HUWE1: variants seen among roughly 807,000 people sequenced by gnomAD.
HUWE1 encodes E3 ubiquitin-protein ligase HUWE1.
Under a neutral mutation model 299.4 loss-of-function variants are expected in HUWE1, and 18 were observed. That is an observed-to-expected ratio of 0.06 (90% CI 0.04 to 0.09). HUWE1 has a LOEUF of 0.09. Ranked by LOEUF, HUWE1 falls within the 10% of genes least tolerant of loss-of-function variation. The pLI is 1.00. For missense variants in HUWE1, 1,832 were observed against 3,462.3 expected, an observed-to-expected ratio of 0.53 and a Z score of 11.82; for synonymous variants, 1,317 against 1,286.1, an observed-to-expected ratio of 1.02 and a Z score of -0.51.
intron 23 of HUWE1, among the ~76,000 whole-genome samples, chrX:53,613,217 A>T (rs2065596744): frequency 2.7e-5 from 3 of 111,937 alleles, no homozygotes; most frequent in Admixed American, 1.9e-4. Flanking sequence ...AGACAGGGTA[A>T]GGTATCTGTT....
At chrX:53,674,710 C>A (rs1183535359) in intron 3 of HUWE1, among the ~76,000 whole-genome samples, 1 of 111,836 alleles carries the variant, frequency 8.9e-6, no homozygotes, top group African/African-American at 3.3e-5. Flanking sequence ...TATTACCATA[C>A]TGACCCTTTT....
chrX:53,608,654 T>G lies in HUWE1; in HGVS notation c.2319+198A>C, dbSNP rs782145216. Among the ~76,000 whole-genome samples, 148 of 111,959 alleles carry G rather than the reference T, an allele frequency of 1.3e-3. 2 individuals carry two copies. Among genetic ancestry groups the G allele is most frequent in the Non-Finnish European group, 2.3e-3 (124 of 53,152 alleles). ...TAACAGTGAACAAAAAAATCTGGAA[T>G]ACAAAATAATGGGGCTTGTGTTGGC... is the stretch of plus-strand genomic sequence containing the variant. On this transcript the variant is annotated intron_variant, in intron 24 of 83. Coordinates refer to ENST00000262854, the MANE Select transcript of HUWE1 (RefSeq NM_031407.7).
At chrX:53,611,067 AC>A (rs1179459772) in intron 23 of HUWE1, among the ~76,000 whole-genome samples, 1 of 109,274 alleles carries the variant, frequency 9.2e-6, no homozygotes, top group Non-Finnish European at 1.9e-5. Flanking sequence ...GTAGAAAGGC[AC>A]CCCACGTACC....
intron 73 of HUWE1, among the ~76,000 whole-genome samples, chrX:53,543,196 T>C (rs2061421919): frequency 9.0e-6 from 1 of 110,717 alleles, no homozygotes; most frequent in Non-Finnish European, 1.9e-5. Context: ...AGGATACCTT[T>C]CTTGGATCTT....
intron 19 of HUWE1, among the ~76,000 whole-genome samples, chrX:53,619,650 C>T (rs931057627): frequency 9.6e-6 from 1 of 104,577 alleles, no homozygotes; most frequent in Non-Finnish European, 2.0e-5. Context: ...GAACAAGAAC[C>T]AGTGTGACAC....
At position 53,681,421 on chromosome X, in the gene HUWE1, A is replaced by G. The variant is rs1280604158; in HGVS notation, c.-162-1235T>C. ...TGCACTCCAGCCTGGCGAGAGCAAG[A>G]CTCCATCTTAAAAAAAAAAAAAAAA... is the stretch of plus-strand genomic sequence containing the variant. On this transcript the variant is annotated intron_variant, in intron 2 of 83. Coordinates refer to ENST00000262854, the MANE Select transcript of HUWE1 (RefSeq NM_031407.7). Among the ~76,000 whole-genome samples, 3 of 103,942 alleles carry G rather than the reference A, an allele frequency of 2.9e-5. No individual in the cohort carries two copies. In the Admixed American group the frequency reaches 3.1e-4, roughly 11 times the overall value. 90.3% of individuals were successfully genotyped at this position (103,942 alleles called of 115,157 possible). A position where few individuals can be genotyped will look rare whatever the true frequency, so the allele number is the denominator to read the frequency against.
Position 53,564,886 on chromosome X carries a change from T to C in HUWE1, c.6881-164A>G, listed in dbSNP as rs190431695. On this transcript the variant is annotated intron_variant, in intron 50 of 83. Coordinates refer to ENST00000262854, the MANE Select transcript of HUWE1 (RefSeq NM_031407.7). ...GAAAAGACAAGGCTACGTGTGAGGA[T>C]AGCCAAACAAGGCTGCATTTTGAAG... Among the ~76,000 whole-genome samples the C allele has an allele frequency of 3.2e-3, 357 of 112,748 alleles. No individual in the cohort carries two copies. The highest frequency in any genetic ancestry group is 0.011 in the African/African-American group (341 of 31,080).
Position 53,603,460 on chromosome X carries a change from T to C in HUWE1, c.2784A>G (p.Gln928=), listed in dbSNP as rs148400203. The C allele has an allele frequency of 1.5e-4, 178 of 1,207,028 alleles. No homozygotes were observed. In the Middle Eastern group the frequency reaches 1.6e-3, roughly 11 times the overall value. ...RSISVNQWGS[Q]LGLSVLSKLS... is the part of the protein sequence containing the mutation. ...GCTTGCTCAAAACACTCAGACCCAA[T>C]TGAGAGCCCCACTGGTTTACGGAGA... The change falls in exon 27 of 84, where the codon CAA becomes CAG. Residue 928 remains glutamine, a synonymous_variant. Coordinates refer to ENST00000262854, the MANE Select transcript of HUWE1 (RefSeq NM_031407.7).
At chrX:53,565,561 T>G (rs2062486408) in intron 49 of HUWE1, among the ~76,000 whole-genome samples, 1 of 90,793 alleles carries the variant, frequency 1.1e-5, no homozygotes, top group South Asian at 4.4e-4. Context: ...GTACTCAGGA[T>G]TTTTTTTTTT....
At chrX:53,674,885 T>C (rs2069737339) in intron 3 of HUWE1, among the ~76,000 whole-genome samples, 2 of 112,062 alleles carry the variant, frequency 1.8e-5, no homozygotes, top group African/African-American at 6.5e-5. Context: ...GGCTCAGTGA[T>C]GAGGTAATTT....
At position 53,547,972 on chromosome X, in the gene HUWE1, C is replaced by G. The variant is rs1556924635; in HGVS notation, c.10337G>C (p.Ser3446Thr). 1.7e-6 allele frequency: 2 copies of G among 1,211,183 alleles called. No homozygotes were observed. Among genetic ancestry groups the G allele is most frequent in the Non-Finnish European group, 2.2e-6 (2 of 895,193 alleles). Residue 3446 changes from serine (S) to threonine (T), a missense_variant, in exon 68 of 84, where the codon AGC (serine) becomes ACC (threonine). Physicochemically the swap from Ser to Thr is moderately conservative, Grantham distance 58. Around this residue, in one of 15 missense-constraint regions of HUWE1, gnomAD observed 119 missense variants for 124.6 expected, o/e 0.96. Transcript: ENST00000262854. Reference protein sequence around the residue: ...NMLSHPVIRRSSLLTEKLLRL... With the variant: ...NMLSHPVIRRTSLLTEKLLRL... ...GAGGAGTTTCTCAGTTAAGAGAGAG[C>G]TCCGGCGGATGACTGGGTGTGACAA...
chrX:53,547,784 T>C lies in HUWE1; in HGVS notation c.10525A>G (p.Thr3509Ala), dbSNP rs1556924338. Residue 3509 changes from threonine to alanine, a missense_variant, in exon 68 of 84, where the codon ACC becomes GCC. Transcript: ENST00000262854. ...AGGGCTGGAGCAGAAGTGACAGGGGTGGGTGCAGTAGGGGGTGTGGGCGTG... is the reference window on the plus strand; with the variant it reads ...AGGGCTGGAGCAGAAGTGACAGGGGCGGGTGCAGTAGGGGGTGTGGGCGTG... ...STTPTPPTAPTPVTSAPALVA... is the reference protein window; with the variant it reads ...STTPTPPTAPAPVTSAPALVA... 1 of 1,196,507 alleles carries C rather than the reference T, an allele frequency of 8.4e-7. No homozygotes were observed. The highest frequency in any genetic ancestry group is 1.8e-5 in the African/African-American group (1 of 56,328).
chrX:53,575,143 G>A lies in HUWE1; in HGVS notation c.6097+12C>T. On this transcript the variant is annotated intron_variant, in intron 46 of 83. Coordinates refer to ENST00000262854, the MANE Select transcript of HUWE1 (RefSeq NM_031407.7). Reference sequence around the variant, plus strand: ...GAATAAGAACATGGTAGTGAGAAAAGCAAATCATTACCCTCTCCTTGGGAG... The same window carrying A: ...GAATAAGAACATGGTAGTGAGAAAAACAAATCATTACCCTCTCCTTGGGAG... The A allele has an allele frequency of 8.4e-7, 1 of 1,183,846 alleles. No homozygotes were observed. Among genetic ancestry groups the A allele is most frequent in the Non-Finnish European group, 1.1e-6 (1 of 871,958 alleles).
intron 68 of HUWE1, 70 bp downstream of exon 68, chrX:53,547,603 G>A: frequency 8.5e-7 from 1 of 1,182,617 alleles, no homozygotes; most frequent in Non-Finnish European, 1.1e-6. Flanking sequence ...AGAACTATCT[G>A]GATGGAAAAG....
Position 53,666,140 on chromosome X carries a change from C to A in HUWE1, c.-24-12009G>T, listed in dbSNP as rs781905977. On this transcript the variant is annotated intron_variant, in intron 3 of 83. Transcript: ENST00000262854. Reference sequence around the variant, plus strand: ...TTAAAATTATCTTAAAAATAACTTACTTCACCCGAGACTTATTTTGAAAAC... The same window carrying A: ...TTAAAATTATCTTAAAAATAACTTAATTCACCCGAGACTTATTTTGAAAAC... Among the ~76,000 whole-genome samples the A allele has an allele frequency of 7.1e-4, 80 of 112,224 alleles. 1 individual carries two copies. The highest frequency in any genetic ancestry group is 3.2e-4 in the Non-Finnish European group (17 of 53,227).
chrX:53,579,070 T>C (rs1380127511), intron 43 of HUWE1, among the ~76,000 whole-genome samples: 1 of 30,125 alleles, frequency 3.3e-5, no homozygotes, highest in Non-Finnish European at 5.9e-5. Context: ...GGGAGGGAGG[T>C]GGGGGGGTCA....
intron 74 of HUWE1, 27 bp downstream of exon 74, chrX:53,542,416 C>T (rs782417089): frequency 2.3e-5 from 23 of 1,011,185 alleles, no homozygotes; most frequent in Admixed American, 4.4e-5. Flanking sequence ...CCCTTTTGCT[C>T]GGCTGGAAAC....
intron 2 of HUWE1, among the ~76,000 whole-genome samples, chrX:53,683,009 A>G (rs2070260471): frequency 8.9e-6 from 1 of 111,846 alleles, no homozygotes; most frequent in Non-Finnish European, 1.9e-5. Context: ...TCATACAAAC[A>G]TGAAGACTTG....
In HUWE1 at chrX:53,573,734, A is replaced by C; in HGVS notation, c.6312+16T>G. Reference sequence around the variant, plus strand: ...AAGTACAGTGTAACATCTTAAATAGAAGTTGGAAATATTACCTCTTTGATC... The same window carrying C: ...AAGTACAGTGTAACATCTTAAATAGCAGTTGGAAATATTACCTCTTTGATC... On this transcript the variant is annotated intron_variant, in intron 47 of 83. Transcript: ENST00000262854. 8.6e-7 allele frequency: 1 copy of C among 1,160,470 alleles called. No homozygotes were observed. Among genetic ancestry groups the C allele is most frequent in the African/African-American group, 1.8e-5 (1 of 56,838 alleles).
Sources: gnomAD v4.1 joint callset for allele counts (sites outside exome capture counted in the v4.1 genomes callset) on GRCh38, gnomAD v4.1.1 for gene constraint, gnomAD v4.1.1 regional missense constraint, MANE v1.5 for transcripts, NCBI Gene and HGNC (gene_info 2026-07-23, HGNC 2026-07-21) for gene names.